Variants in USP54 observed in about 807,000 individuals in gnomAD.
The protein encoded by USP54 is ubiquitin carboxyl-terminal hydrolase 54.
USP54 carries 87 observed loss-of-function variants against 170.5 expected under a neutral mutation model. The ratio of observed to expected loss-of-function variants is 0.51; its 90% confidence interval spans 0.43 to 0.61. The LOEUF is 0.61. USP54 is among the 20% of genes least tolerant of loss of function. The pLI, the probability that USP54 is intolerant of heterozygous loss-of-function variation, is 0.00. For missense variants in USP54, 1,786 were observed against 2,047.8 expected (o/e 0.87, Z 2.47); for synonymous variants, 655 against 742.8 (o/e 0.88, Z 1.92).
At chr10:73,531,272 C>A (rs2063917802) in intron 12 of USP54, among the ~76,000 whole-genome samples, 1 of 147,512 alleles carries the variant, frequency 6.8e-6, no homozygotes, top group Non-Finnish European at 1.5e-5. Context: ...GCCTGGACGA[C>A]AGAGCAAGAC....
intron 4 of USP54, chr10:73,546,500 C>A (rs1299525624): frequency 1.3e-5 from 2 of 152,054 alleles, no homozygotes; most frequent in African/African-American, 4.8e-5. Flanking sequence ...ACACCGCTAA[C>A]TTTTTAATTG....
At chr10:73,607,478 G>T (rs1023570826) in intron 1 of USP54, among the ~76,000 whole-genome samples, 2 of 152,026 alleles carry the variant, frequency 1.3e-5, no homozygotes, top group African/African-American at 4.8e-5. Flanking sequence ...GTTATTAAGA[G>T]CCCCATTCCT....
chr10:73,608,804 G>A (rs904139404), intron 1 of USP54, among the ~76,000 whole-genome samples: 6 of 152,126 alleles, frequency 3.9e-5, no homozygotes, highest in African/African-American at 1.4e-4. Context: ...GGCTGAGGTG[G>A]AAGGATCACT....
chr10:73,534,736 TG>T lies in USP54; in HGVS notation c.1178del (p.Thr393LysfsTer49), dbSNP rs1564734172. ...AGGGATAGCTCTCCGTTGAGGAATC[TG>T]TTCGAGTGTCACTTGAGATGGAGGG... ...REPSISSDTR[T>X]DSSTESYPYK... On this transcript the variant is annotated frameshift_variant, in exon 12 of 24. Transcript: ENST00000687698. LOFTEE classifies it high-confidence loss of function. 6.2e-7 allele frequency: 1 copy of T among 1,614,092 alleles called. No individual in the cohort carries two copies.
intron 1 of USP54, among the ~76,000 whole-genome samples, chr10:73,579,567 C>T (rs900174112): frequency 6.6e-6 from 1 of 151,938 alleles, no homozygotes; most frequent in Non-Finnish European, 1.5e-5. Context: ...CCAACCTGGC[C>T]AACATGGTGA....
intron 4 of USP54, among the ~76,000 whole-genome samples, chr10:73,560,995 C>A (rs183920942): frequency 3.3e-5 from 5 of 150,402 alleles, no homozygotes; most frequent in Admixed American, 6.7e-5. Context: ...ATCCCAGCTA[C>A]TCAGGAGTCT....
chr10:73,510,830 T>A (rs994547781), intron 20 of USP54, among the ~76,000 whole-genome samples: 7 of 152,174 alleles, frequency 4.6e-5, no homozygotes, highest in African/African-American at 1.7e-4. Context: ...ATCTATAAGA[T>A]GATGTCTGCC....
At chr10:73,582,299 A>G (rs1450441122) in intron 1 of USP54, among the ~76,000 whole-genome samples, 1 of 152,202 alleles carries the variant, frequency 6.6e-6, no homozygotes, top group African/African-American at 2.4e-5. Flanking sequence ...ACTGAAATCA[A>G]TGAAGACTAG....
chr10:73,554,983 G>C (rs1000131563), intron 4 of USP54, among the ~76,000 whole-genome samples: 1 of 152,192 alleles, frequency 6.6e-6, no homozygotes, highest in Non-Finnish European at 1.5e-5. Context: ...TATGCCTGTA[G>C]TTTCAGCTAC....
chr10:73,540,843 A>AT (rs917046398), intron 9 of USP54, among the ~76,000 whole-genome samples: 10 of 152,206 alleles, frequency 6.6e-5, no homozygotes, highest in African/African-American at 2.2e-4. Context: ...ATTTATTCTC[A>AT]GTCATGGCTT....
At chr10:73,508,973 T>TTTTTG (rs1491364263) in intron 20 of USP54, among the ~76,000 whole-genome samples, 1 of 124,172 alleles carries the variant, frequency 8.1e-6, no homozygotes, top group African/African-American at 3.7e-5. Flanking sequence ...CCAGAACATG[T>TTTTTG]TTTTTTTTTT....
chr10:73,539,932 C>T (rs1010329830), intron 9 of USP54, among the ~76,000 whole-genome samples: 8 of 151,534 alleles, frequency 5.3e-5, no homozygotes, highest in Admixed American at 4.6e-4. Flanking sequence ...TCGAGACCAG[C>T]CTGGCCAACA....
chr10:73,599,900 T>A (rs914552046), intron 1 of USP54, among the ~76,000 whole-genome samples: 1 of 113,978 alleles, frequency 8.8e-6, no homozygotes, highest in African/African-American at 4.0e-5. Flanking sequence ...CACTTTGGGC[T>A]TTTTTTTTTT....
At chr10:73,564,757 C>T (rs1354121342) in intron 4 of USP54, among the ~76,000 whole-genome samples, 4 of 152,064 alleles carry the variant, frequency 2.6e-5, no homozygotes, top group South Asian at 2.1e-4. Flanking sequence ...GCTCTTTTTT[C>T]CCTCTGGCTT....
At chr10:73,555,974 G>A (rs953149229) in intron 4 of USP54, among the ~76,000 whole-genome samples, 2 of 152,186 alleles carry the variant, frequency 1.3e-5, no homozygotes, top group Middle Eastern at 3.2e-3. Context: ...GGATAAATTA[G>A]TTGAGAATAT....
chr10:73,595,415 G>A (rs560296295), upstream of USP54, among the ~76,000 whole-genome samples: 1 of 152,250 alleles, frequency 6.6e-6, no homozygotes, highest in South Asian at 2.1e-4. Context: ...ACTGAGAAGA[G>A]GAATATTGCA....
intron 4 of USP54, among the ~76,000 whole-genome samples, chr10:73,553,957 A>G (rs2070305276): frequency 6.6e-6 from 1 of 152,236 alleles, no homozygotes; most frequent in Non-Finnish European, 1.5e-5. Context: ...ATGAGCACAT[A>G]ATTATTTGGA....
At position 73,521,029 on chromosome 10, in the gene USP54, T is replaced by C; in HGVS notation, c.2363-2A>G. On this transcript the variant is annotated splice_acceptor_variant, in intron 17 of 23. Coordinates refer to ENST00000687698, the MANE Select transcript of USP54 (RefSeq NM_001391956.1). LOFTEE classifies it high-confidence loss of function. ...ACCTCTCAAAGCCGTCACTCCTCCCTGAAAGGGCCAGCACTTTTCATTTTC... is the reference window on the plus strand; with the variant it reads ...ACCTCTCAAAGCCGTCACTCCTCCCCGAAAGGGCCAGCACTTTTCATTTTC... 29 of 1,613,722 alleles carry C rather than the reference T, an allele frequency of 1.8e-5. No homozygotes were observed. Among genetic ancestry groups the C allele is most frequent in the Non-Finnish European group, 2.4e-5 (28 of 1,180,026 alleles).
At chr10:73,608,115 C>G (rs1249297670) in intron 1 of USP54, among the ~76,000 whole-genome samples, 2 of 151,874 alleles carry the variant, frequency 1.3e-5, no homozygotes, top group Non-Finnish European at 2.9e-5. Context: ...CAAAAATTAG[C>G]CGGGCATGGT....
Sources: allele counts gnomAD v4.1 joint callset (sites outside exome capture counted in the v4.1 genomes callset), GRCh38; gene constraint gnomAD v4.1.1; transcripts MANE v1.5; gene names NCBI Gene and HGNC (gene_info 2026-07-23, HGNC 2026-07-21).